REPS2: variants seen among roughly 807,000 people sequenced by gnomAD.
The protein encoded by REPS2 is RALBP1 associated Eps domain containing 2, also known as ralBP1-associated Eps domain-containing protein 2.
A neutral mutation model predicts 53.6 loss-of-function variants in REPS2; 23 were observed. The observed-to-expected ratio is 0.43, with a 90% confidence interval of 0.31 to 0.61. The LOEUF (loss-of-function observed/expected upper bound fraction) is 0.61. Among genes scored for constraint, REPS2 ranks in the 20% least tolerant of loss-of-function variants. REPS2 has a pLI of 0.11. For missense variants in REPS2, 446 were observed against 534.9 expected (o/e 0.83, Z 1.64); for synonymous variants, 238 against 218.6 (o/e 1.09, Z -0.78).
chrX:17,056,143 A>T (rs55956839), intron 8 of REPS2, among the ~76,000 whole-genome samples: 44,103 of 110,958 alleles, frequency 0.4, 6,447 homozygotes, highest in Middle Eastern at 0.55. Context: ...TAATGTGAGG[A>T]ATAGGGCTGA....
chrX:17,050,133 CCTTTCTTCCTTT>C (rs2061962347), intron 6 of REPS2, among the ~76,000 whole-genome samples: 5 of 36,706 alleles, frequency 1.4e-4, no homozygotes, highest in Non-Finnish European at 2.6e-4. Context: ...TTTCTTTCTT[CCTTTCTTCCTTT>C]CTTTCTTTCT....
chrX:17,173,006 C>T, the REPS2 span, among the ~76,000 whole-genome samples: 4 of 83,767 alleles, frequency 4.8e-5, no homozygotes, highest in Non-Finnish European at 7.2e-5. Flanking sequence ...TGTGTGTGTG[C>T]ATCATAGTCC....
At chrX:17,144,137 G>A (rs2063481890) in intron 17 of REPS2, among the ~76,000 whole-genome samples, 1 of 112,365 alleles carries the variant, frequency 8.9e-6, no homozygotes, top group Admixed American at 9.4e-5. Flanking sequence ...GACTGTTTTG[G>A]TCACCTACAT....
At chrX:17,139,825 G>A (rs1010150101) in intron 17 of REPS2, among the ~76,000 whole-genome samples, 1 of 110,502 alleles carries the variant, frequency 9.0e-6, no homozygotes, top group African/African-American at 3.3e-5. Flanking sequence ...TCTTCTTATT[G>A]TATCCTCTTA....
chrX:17,182,132 C>CTCTG, the REPS2 span, among the ~76,000 whole-genome samples: 954 of 90,445 alleles, frequency 0.011, 7 homozygotes, highest in East Asian at 0.034. Context: ...ACCTAGTGTG[C>CTCTG]TCTATCTGTC....
At position 17,131,857 on chromosome X, in the gene REPS2, G is replaced by A. The variant is rs1001735653; in HGVS notation, c.1579-1967G>A. 4.6e-5 allele frequency among the ~76,000 whole-genome samples: 5 copies of A among 108,156 alleles called. 1 individual carries two copies. In the South Asian group the frequency reaches 1.7e-3, roughly 36 times the overall value. 93.9% of individuals were successfully genotyped at this position (108,156 alleles called of 115,157 possible). On this transcript the variant is annotated intron_variant, in intron 14 of 17. Transcript: ENST00000357277. ...CCTTGACCCTTCTGATAACTCCTTC[G>A]ACCACAGTCCCCCTTCCTTTTTTAA... is the stretch of plus-strand genomic sequence containing the variant.
At chrX:16,954,184 C>G (rs7055516) in intron 1 of REPS2, among the ~76,000 whole-genome samples, 6 of 111,378 alleles carry the variant, frequency 5.4e-5, no homozygotes, top group Admixed American at 3.8e-4. Flanking sequence ...TGGTCTCAAA[C>G]TCTTGGGCTC....
chrX:17,140,801 C>T (rs1303517507), intron 17 of REPS2, among the ~76,000 whole-genome samples: 1 of 105,907 alleles, frequency 9.4e-6, no homozygotes, highest in Non-Finnish European at 1.9e-5. Context: ...GATGGAGTCT[C>T]GCTCTGTCGC....
intron 1 of REPS2, among the ~76,000 whole-genome samples, chrX:16,951,559 A>AAACACACACACAC (rs1277472740): frequency 5.3e-5 from 2 of 37,477 alleles, no homozygotes; most frequent in Admixed American, 2.9e-4. Context: ...ACACACACAC[A>AAACACACACACAC]CCCCCGCTAC....
chrX:17,105,030 C>CT (rs372539643), intron 14 of REPS2, among the ~76,000 whole-genome samples: 2,761 of 103,195 alleles, frequency 0.027, 101 homozygotes, highest in African/African-American at 0.087. Flanking sequence ...AATATTATCC[C>CT]TTTTTTTTTT....
chrX:17,109,327 G>A (rs754364413), intron 14 of REPS2, among the ~76,000 whole-genome samples: 11 of 111,332 alleles, frequency 9.9e-5, no homozygotes, highest in Admixed American at 4.8e-4. Context: ...GCTGAGGTCC[G>A]GCCACTGGGA....
intron 1 of REPS2, among the ~76,000 whole-genome samples, chrX:16,976,348 G>A (rs1392018914): frequency 9.0e-6 from 1 of 110,778 alleles, no homozygotes. Context: ...ACCTCTGGGG[G>A]TGGGGTATTT....
At chrX:17,190,646 A>G in the REPS2 span, among the ~76,000 whole-genome samples, 3 of 112,376 alleles carry the variant, frequency 2.7e-5, no homozygotes, top group African/African-American at 9.7e-5. Context: ...TTACATGGAA[A>G]AGGAAATGGA....
At chrX:16,982,986 T>G (rs906746781) in intron 1 of REPS2, among the ~76,000 whole-genome samples, 3 of 112,406 alleles carry the variant, frequency 2.7e-5, no homozygotes, top group African/African-American at 9.7e-5. Context: ...TCTGGCAATG[T>G]CTGGAGACAT....
chrX:17,054,916 C>G lies in REPS2; in HGVS notation c.1080C>G (p.Leu360=), dbSNP rs1210325646. 8.3e-7 allele frequency: 1 copy of G among 1,211,637 alleles called. No homozygotes were observed. The highest frequency in any genetic ancestry group is 1.7e-5 in the African/African-American group (1 of 57,857). The change falls in exon 8 of 18, where the codon CTC becomes CTG. Residue 360 remains leucine, a synonymous_variant. Transcript: ENST00000357277. ...ACGGCTACCCATTGCCTGAGGGCCT[C>G]CCTCCAACTCTGCAGCCAGAATACC... is the stretch of plus-strand genomic sequence containing the variant. The part of the protein sequence containing the change: ...RKNGYPLPEG[L]PPTLQPEYLQ...
intron 8 of REPS2, among the ~76,000 whole-genome samples, chrX:17,058,040 C>G (rs2062098333): frequency 1.8e-5 from 2 of 112,400 alleles, no homozygotes; most frequent in Non-Finnish European, 3.8e-5. Context: ...GGGGTCATGA[C>G]TAGTACTGTT....
In REPS2 at chrX:16,954,853, C is replaced by T. The variant is rs1602492366; in HGVS notation, c.273+7719C>T. On this transcript the variant is annotated intron_variant, in intron 1 of 17. Transcript: ENST00000357277. ...TGAGACAGAGTCTTGCTCTGTCGCCCGGGCTGAAGTGCAGTGGCGCAAGGT... is the reference window on the plus strand; with the variant it reads ...TGAGACAGAGTCTTGCTCTGTCGCCTGGGCTGAAGTGCAGTGGCGCAAGGT... Among the ~76,000 whole-genome samples the T allele has an allele frequency of 3.1e-5, 3 of 97,626 alleles. 1 individual carries two copies. 84.8% of individuals were successfully genotyped at this position (97,626 alleles called of 115,157 possible). A position where few individuals can be genotyped will look rare whatever the true frequency, so the allele number is the denominator to read the frequency against.
At chrX:17,166,786 T>C in the REPS2 span, among the ~76,000 whole-genome samples, 4 of 111,912 alleles carry the variant, frequency 3.6e-5, no homozygotes, top group African/African-American at 1.3e-4. Context: ...TGCTTTCTCA[T>C]TTATGTTATC....
rs1340868455 is a variant in REPS2 at position 17,076,828 on chromosome X, G to A, written c.1380-443G>A. On this transcript the variant is annotated intron_variant, in intron 12 of 17. Coordinates refer to ENST00000357277, the MANE Select transcript of REPS2 (RefSeq NM_004726.3). ...CCTGAACATTGAATTCTTACCCTCA[G>A]CTTATCTGTCCCAATTCCACATGAG... 4.5e-5 allele frequency among the ~76,000 whole-genome samples: 5 copies of A among 111,545 alleles called. No homozygotes were observed. The Admixed American group carries it at 4.8e-4, about 11-fold the overall frequency.
Sources: allele counts gnomAD v4.1 joint callset (sites outside exome capture counted in the v4.1 genomes callset), GRCh38; gene constraint gnomAD v4.1.1; transcripts MANE v1.5; gene names NCBI Gene and HGNC (gene_info 2026-07-23, HGNC 2026-07-21).